KCNMB2: variants seen among roughly 807,000 people sequenced by gnomAD.
KCNMB2 encodes the protein calcium-activated potassium channel subunit beta-2.
In KCNMB2, 9 loss-of-function variants were observed where a neutral mutation model predicts 24.5. The ratio of observed to expected loss-of-function variants is 0.37; its 90% CI spans 0.22 to 0.64. KCNMB2 has a LOEUF of 0.64. KCNMB2 is among the 30% of genes least tolerant of loss of function. The probability of loss-of-function intolerance (pLI) is 0.63; values close to 1 mark genes in which losing one functional copy is unlikely to be tolerated. For synonymous variants in KCNMB2, 109 were observed against 104.4 expected, an observed-to-expected ratio of 1.04 and a Z score of -0.27; for missense variants, 226 against 284.3, an observed-to-expected ratio of 0.79 and a Z score of 1.47.
chr3:178,824,958 G>T (rs58158549), intron 2 of KCNMB2, among the ~76,000 whole-genome samples: 2,279 of 152,280 alleles, frequency 0.015, 20 homozygotes, highest in Middle Eastern at 0.044. Flanking sequence ...CGATTTGAAT[G>T]ACACTTTTCT....
intron 1 of KCNMB2, among the ~76,000 whole-genome samples, chr3:178,706,293 T>C (rs1722275479): frequency 6.6e-6 from 1 of 152,098 alleles, no homozygotes; most frequent in African/African-American, 2.4e-5. Flanking sequence ...TTTATAATAA[T>C]TAAATGAGAT....
intron 1 of KCNMB2, among the ~76,000 whole-genome samples, chr3:178,570,400 A>G (rs901146454): frequency 6.6e-6 from 1 of 152,126 alleles, no homozygotes; most frequent in African/African-American, 2.4e-5. Flanking sequence ...AAACGTGAAA[A>G]TATTTCAAGA....
At chr3:178,649,024 C>T (rs545425381) in intron 1 of KCNMB2, among the ~76,000 whole-genome samples, 28 of 152,120 alleles carry the variant, frequency 1.8e-4, no homozygotes, top group Non-Finnish European at 3.5e-4. Flanking sequence ...TCTAAATTGC[C>T]TAATCATGGT....
At chr3:178,811,665 A>T (rs1181986404) in intron 2 of KCNMB2, among the ~76,000 whole-genome samples, 1 of 152,194 alleles carries the variant, frequency 6.6e-6, no homozygotes, top group African/African-American at 2.4e-5. Context: ...GCCAACAATG[A>T]TGCTATTCTT....
At chr3:178,616,924 A>G (rs1341860359) in intron 1 of KCNMB2, among the ~76,000 whole-genome samples, 3 of 152,214 alleles carry the variant, frequency 2.0e-5, no homozygotes, top group Non-Finnish European at 4.4e-5. Flanking sequence ...GCTGGAATCA[A>G]TGACCAGAGG....
intron 1 of KCNMB2, among the ~76,000 whole-genome samples, chr3:178,578,874 C>A (rs1173645507): frequency 1.3e-5 from 2 of 152,248 alleles, no homozygotes; most frequent in East Asian, 1.9e-4. Context: ...ATTCATAAAG[C>A]AAGTTCTTAG....
At chr3:178,652,496 G>A (rs1162595852) in intron 1 of KCNMB2, among the ~76,000 whole-genome samples, 1 of 151,596 alleles carries the variant, frequency 6.6e-6, no homozygotes, top group African/African-American at 2.4e-5. Flanking sequence ...TTTCTCCAGT[G>A]ATTTGTGAAG....
intron 1 of KCNMB2, among the ~76,000 whole-genome samples, chr3:178,781,008 G>C (rs1359295680): frequency 1.3e-5 from 2 of 152,112 alleles, no homozygotes; most frequent in Non-Finnish European, 2.9e-5. Flanking sequence ...AGTGCTATAA[G>C]TATAAAATAT....
chr3:178,620,259 A>AT (rs34969324), intron 1 of KCNMB2, among the ~76,000 whole-genome samples: 100,560 of 151,960 alleles, frequency 0.66, 34,529 homozygotes, highest in African/African-American at 0.86. Context: ...ACTAGAAAAA[A>AT]ATGCCAAAAT....
intron 1 of KCNMB2, among the ~76,000 whole-genome samples, chr3:178,588,279 C>T (rs1450086907): frequency 1.3e-5 from 2 of 152,100 alleles, no homozygotes; most frequent in African/African-American, 2.4e-5. Context: ...AGGTTAAAAG[C>T]TCTGTCACCA....
At chr3:178,564,971 T>G (rs1016107726) in intron 1 of KCNMB2, among the ~76,000 whole-genome samples, 8 of 152,156 alleles carry the variant, frequency 5.3e-5, no homozygotes, top group Non-Finnish European at 1.0e-4. Context: ...ACTTTGAAGG[T>G]AATAAAAATA....
At chr3:178,645,699 C>T (rs1252291946) in intron 1 of KCNMB2, among the ~76,000 whole-genome samples, 1 of 152,070 alleles carries the variant, frequency 6.6e-6, no homozygotes, top group African/African-American at 2.4e-5. Context: ...GCCACAGAGC[C>T]GGTTCTGGGG....
chr3:178,586,534 C>CTTTTTTTTTTTTTT (rs1717436976), intron 1 of KCNMB2, among the ~76,000 whole-genome samples: 4 of 68,500 alleles, frequency 5.8e-5, no homozygotes, highest in Non-Finnish European at 1.1e-4. Context: ...TTTTTTTTTT[C>CTTTTTTTTTTTTTT]TTTCTTTTTT....
chr3:178,604,609 C>G (rs1718209304), intron 1 of KCNMB2, among the ~76,000 whole-genome samples: 1 of 152,128 alleles, frequency 6.6e-6, no homozygotes, highest in African/African-American at 2.4e-5. Context: ...ATGGAATTTA[C>G]AAGTTTGGAA....
chr3:178,842,762 C>G lies in KCNMB2; in HGVS notation c.533C>G (p.Pro178Arg). 1.2e-6 allele frequency: 2 copies of G among 1,613,772 alleles called. No homozygotes were observed. Among genetic ancestry groups the G allele is most frequent in the Non-Finnish European group, 1.7e-6 (2 of 1,179,698 alleles). ...KYQHFSCYSD[P>R]EGNQKSVILT... Reference sequence around the variant, plus strand: ...CAACACTTCTCCTGCTATTCTGACCCAGAAGGAAACCAGAAGAGTGTTATC... The same window carrying G: ...CAACACTTCTCCTGCTATTCTGACCGAGAAGGAAACCAGAAGAGTGTTATC... The change falls in exon 5 of 5, where the codon CCA (proline) becomes CGA (arginine). Residue 178 changes from proline (P) to arginine (R), a missense_variant. Pro to Arg is a moderately radical substitution (Grantham distance 103). Transcript: ENST00000452583.
rs184835351 is a variant in KCNMB2 at position 178,582,175 on chromosome 3, G to T, written c.-68+45464G>T. Among the ~76,000 whole-genome samples the T allele has an allele frequency of 1.6e-4, 25 of 152,248 alleles. No homozygotes were observed. In the East Asian group the frequency reaches 3.7e-3, roughly 22 times the overall value. ...GCACATATACACCATTGAATACTAT[G>T]CAACCATAAAAAAAGGATGAGTTCA... On this transcript the variant is annotated intron_variant, in intron 1 of 4. Coordinates refer to ENST00000452583, the MANE Select transcript of KCNMB2 (RefSeq NM_181361.3).
At chr3:178,701,191 C>T (rs1162143263) in intron 1 of KCNMB2, among the ~76,000 whole-genome samples, 4 of 152,188 alleles carry the variant, frequency 2.6e-5, no homozygotes, top group Admixed American at 6.5e-5. Context: ...CCACTTTCCC[C>T]AGCACCATTT....
chr3:178,666,161 A>G (rs1031873251), intron 1 of KCNMB2, among the ~76,000 whole-genome samples: 1 of 152,178 alleles, frequency 6.6e-6, no homozygotes, highest in African/African-American at 2.4e-5. Flanking sequence ...TAAGAGCATG[A>G]CATTTACTAG....
At chr3:178,617,796 C>T (rs1374950483) in intron 1 of KCNMB2, among the ~76,000 whole-genome samples, 2 of 149,004 alleles carry the variant, frequency 1.3e-5, no homozygotes, top group Non-Finnish European at 3.0e-5. Flanking sequence ...GAGCCTGAGG[C>T]AGGAGAATCG....
Sources: gnomAD v4.1 joint callset for allele counts (sites outside exome capture counted in the v4.1 genomes callset) on GRCh38, gnomAD v4.1.1 for gene constraint, MANE v1.5 for transcripts, NCBI Gene and HGNC (gene_info 2026-07-23, HGNC 2026-07-21) for gene names.